The following USP34 variants were observed in gnomAD, a reference collection of about 807,000 sequenced individuals.
The protein encoded by USP34 is ubiquitin carboxyl-terminal hydrolase 34.
In USP34, 70 loss-of-function variants were observed where a neutral mutation model predicts 460.3. The ratio of observed to expected loss-of-function variants is 0.15; its 90% CI spans 0.13 to 0.19. The LOEUF (loss-of-function observed/expected upper bound fraction) is 0.19. Among genes scored for constraint, USP34 ranks in the 10% least tolerant of loss-of-function variants. The pLI is 1.00. For missense variants in USP34, 3,985 were observed against 4,236.2 expected (o/e 0.94, Z 1.65); for synonymous variants, 1,647 against 1,405.3 (o/e 1.17, Z -3.85).
chr2:61,417,082 A>G, intron 2 of USP34: 1 of 1,423,458 alleles, frequency 7.0e-7, no homozygotes, highest in Non-Finnish European at 9.8e-7. Context: ...CAGGACCTCA[A>G]TCACATGCGC....
chr2:61,332,006 C>T (rs1486344030), intron 19 of USP34, among the ~76,000 whole-genome samples: 4 of 151,968 alleles, frequency 2.6e-5, no homozygotes, highest in Admixed American at 6.6e-5. Flanking sequence ...TAATTTACAT[C>T]GTGTTTCTGT....
intron 1 of USP34, among the ~76,000 whole-genome samples, chr2:61,431,151 G>T (rs889874712): frequency 6.6e-6 from 1 of 152,190 alleles, no homozygotes; most frequent in African/African-American, 2.4e-5. Flanking sequence ...TAGCCAGGAG[G>T]AATACATTCT....
In USP34 at chr2:61,405,943, T is replaced by A. The variant is rs753294421; in HGVS notation, c.317A>T (p.Asn106Ile). 6.2e-7 allele frequency: 1 copy of A among 1,613,788 alleles called. No individual in the cohort carries two copies. The highest frequency in any genetic ancestry group is 1.7e-5 in the Admixed American group (1 of 59,958). ...DESNQAEEPL[N>I]IDRECNEGST... The stretch of plus-strand genomic sequence containing the variant: ...TCCTTCATTACACTCTCTATCTATA[T>A]TCAGTGGTTCTTCTGCTTGATTACT... The change falls in exon 3 of 80, where the codon AAT becomes ATT. Residue 106 changes from asparagine to isoleucine, a missense_variant. Transcript: ENST00000398571.
At position 61,221,610 on chromosome 2, in the gene USP34, T is replaced by G; in HGVS notation, c.7795-4A>C. 1.2e-6 allele frequency: 2 copies of G among 1,613,486 alleles called. No individual in the cohort carries two copies. Among genetic ancestry groups the G allele is most frequent in the Non-Finnish European group, 8.5e-7 (1 of 1,179,640 alleles). Reference sequence around the variant, plus strand: ...ACTTAAAGAAAGGATTGGCTGCCTGTAAAACACATACATGACTGTGTATTT... The same window carrying G: ...ACTTAAAGAAAGGATTGGCTGCCTGGAAAACACATACATGACTGTGTATTT... On this transcript the variant is annotated splice_region_variant and splice_polypyrimidine_tract_variant and intron_variant, in intron 65 of 79. Transcript: ENST00000398571.
intron 16 of USP34, among the ~76,000 whole-genome samples, chr2:61,342,510 C>G (rs1485384505): frequency 6.6e-6 from 1 of 151,670 alleles, no homozygotes; most frequent in African/African-American, 2.4e-5. Flanking sequence ...TGGGGTTTCA[C>G]CACGTTGGCT....
chr2:61,220,177 A>AAAAGT, intron 67 of USP34, 133 bp downstream of exon 67: 1 of 484,726 alleles, frequency 2.1e-6, no homozygotes, highest in Non-Finnish European at 3.1e-6. Context: ...AAAAAAAAAA[A>AAAAGT]AAAAAGGAAA....
chr2:61,327,249 G>T (rs1489560088), intron 20 of USP34, among the ~76,000 whole-genome samples: 1 of 152,158 alleles, frequency 6.6e-6, no homozygotes, highest in South Asian at 2.1e-4. Flanking sequence ...GCTCTTTAGG[G>T]TCTCTTATTA....
Position 61,223,044 on chromosome 2 carries a change from G to C in USP34, c.7749+16C>G. 6.3e-7 allele frequency: 1 copy of C among 1,599,426 alleles called. No individual in the cohort carries two copies. Among genetic ancestry groups the C allele is most frequent in the Non-Finnish European group, 8.5e-7 (1 of 1,170,660 alleles). Reference sequence around the variant, plus strand: ...AAAATTTCCAAAAATCTTTAAGACTGTTCCTTAGCACTTACATGTTCTGCA... The same window carrying C: ...AAAATTTCCAAAAATCTTTAAGACTCTTCCTTAGCACTTACATGTTCTGCA... On this transcript the variant is annotated intron_variant, in intron 64 of 79. Coordinates refer to ENST00000398571, the MANE Select transcript of USP34 (RefSeq NM_014709.4).
At chr2:61,448,193 G>A (rs576774160) in intron 1 of USP34, among the ~76,000 whole-genome samples, 1 of 152,178 alleles carries the variant, frequency 6.6e-6, no homozygotes, top group Non-Finnish European at 1.5e-5. Context: ...ACACAAACTG[G>A]CCAGGCATGA....
intron 75 of USP34, among the ~76,000 whole-genome samples, chr2:61,201,369 C>T (rs1183830249): frequency 1.3e-5 from 2 of 151,996 alleles, no homozygotes; most frequent in Admixed American, 6.6e-5. Context: ...AGGCACGTAC[C>T]ACCATGCCTA....
At chr2:61,420,914 C>G in intron 1 of USP34, 81 bp from the exon 2 acceptor site, 1 of 933,374 alleles carries the variant, frequency 1.1e-6, no homozygotes, top group Non-Finnish European at 1.6e-6. Context: ...AAGCCAAGAG[C>G]TACAAATGCA....
chr2:61,412,219 A>G (rs1573015266), intron 2 of USP34, among the ~76,000 whole-genome samples: 1 of 150,434 alleles, frequency 6.6e-6, no homozygotes, highest in Middle Eastern at 3.4e-3. Context: ...AAAAGGAAGA[A>G]AAGAAAGAAA....
chr2:61,349,033 G>C, intron 13 of USP34, 147 bp from the exon 14 acceptor site: 1 of 1,120,476 alleles, frequency 8.9e-7, no homozygotes, highest in South Asian at 1.9e-5. Flanking sequence ...GTTAACATTT[G>C]CTCATGATTT....
intron 1 of USP34, among the ~76,000 whole-genome samples, chr2:61,465,595 T>A (rs1397694952): frequency 1.3e-5 from 2 of 152,064 alleles, no homozygotes; most frequent in East Asian, 3.9e-4. Flanking sequence ...GTAATTCCAG[T>A]ACTTGGGGAG....
In USP34 at chr2:61,188,033, G is replaced by A; in HGVS notation, c.*69C>T. ...CAAACTGAAGCACAAAAACAAATAA[G>A]CAAAACTTATACAAACAGCATGGGG... On this transcript the variant is annotated 3_prime_UTR_variant, in exon 80 of 80. Transcript: ENST00000398571. The A allele has an allele frequency of 3.3e-6, 5 of 1,533,860 alleles. No individual in the cohort carries two copies. The highest frequency in any genetic ancestry group is 2.3e-5 in the East Asian group (1 of 44,282).
chr2:61,449,725 A>G (rs1018847972), intron 1 of USP34, among the ~76,000 whole-genome samples: 1 of 152,126 alleles, frequency 6.6e-6, no homozygotes, highest in South Asian at 2.1e-4. Context: ...GAAAGAATAG[A>G]TTTTTCTAAA....
chr2:61,305,355 G>GA (rs887136626), intron 27 of USP34, among the ~76,000 whole-genome samples: 4 of 151,438 alleles, frequency 2.6e-5, no homozygotes, highest in African/African-American at 9.7e-5. Flanking sequence ...CTGACAAGGA[G>GA]AAAAAAAGAA....
At chr2:61,310,138 A>T (rs1286677270) in intron 27 of USP34, among the ~76,000 whole-genome samples, 1 of 152,174 alleles carries the variant, frequency 6.6e-6, no homozygotes, top group Non-Finnish European at 1.5e-5. Context: ...TCTAGTTCTT[A>T]ATCTGGATGG....
intron 33 of USP34, among the ~76,000 whole-genome samples, chr2:61,291,511 G>C (rs934062676): frequency 1.3e-5 from 2 of 152,142 alleles, no homozygotes; most frequent in African/African-American, 4.8e-5. Flanking sequence ...TTCACCGACT[G>C]ATCAATCTTC....
Sources: allele counts gnomAD v4.1 joint callset (sites outside exome capture counted in the v4.1 genomes callset), GRCh38; gene constraint gnomAD v4.1.1; transcripts MANE v1.5; gene names NCBI Gene and HGNC (gene_info 2026-07-23, HGNC 2026-07-21).